The following MRPS6 variants were observed in gnomAD, a reference collection of about 807,000 sequenced individuals.
MRPS6 encodes the protein mitochondrial ribosomal protein S6.
MRPS6 carries 6 observed loss-of-function variants against 13.1 expected under a neutral mutation model. That is an observed-to-expected ratio of 0.46 (90% CI 0.25 to 0.91). The LOEUF is 0.91. Ranked by LOEUF, MRPS6 falls within the 40% of genes least tolerant of loss-of-function variation. The probability of loss-of-function intolerance (pLI) is 0.18; values close to 1 mark genes in which losing one functional copy is unlikely to be tolerated. For synonymous variants in MRPS6, 61 were observed against 56.5 expected (o/e 1.08, Z -0.36); for missense variants, 164 against 155.6 (o/e 1.05, Z -0.29).
chr21:34,088,646 T>G (rs1326697048), intron 1 of MRPS6, among the ~76,000 whole-genome samples: 4 of 152,222 alleles, frequency 2.6e-5, no homozygotes, highest in African/African-American at 9.6e-5. Flanking sequence ...GCATAGTGAT[T>G]AAGGGCAAAA....
At position 34,079,516 on chromosome 21, in the gene MRPS6, A is replaced by G. The variant is rs111778333; in HGVS notation, c.45+5771A>G. 4.6e-3 allele frequency among the ~76,000 whole-genome samples: 684 copies of G among 148,780 alleles called. 5 individuals carry two copies. The highest frequency in any genetic ancestry group is 0.016 in the African/African-American group (638 of 39,844). The stretch of plus-strand genomic sequence containing the variant: ...AGTGGCACGATCTCGGCTCACTGCA[A>G]CCTCTGCCTCCTGGGTTCAAGCGAT... On this transcript the variant is annotated intron_variant, in intron 1 of 2. Transcript: ENST00000399312.
chr21:34,140,450 T>C (rs1450064528), intron 2 of MRPS6, among the ~76,000 whole-genome samples: 1 of 152,234 alleles, frequency 6.6e-6, no homozygotes, highest in Non-Finnish European at 1.5e-5. Flanking sequence ...GTGTATAACT[T>C]GAATCCCTTT....
chr21:34,126,859 G>A (rs1041815482), intron 2 of MRPS6, among the ~76,000 whole-genome samples: 2 of 152,126 alleles, frequency 1.3e-5, no homozygotes, highest in African/African-American at 4.8e-5. Context: ...GCACTAACAC[G>A]TAGCCTGAGT....
At chr21:34,121,612 G>A (rs939628507) in intron 1 of MRPS6, among the ~76,000 whole-genome samples, 3 of 152,096 alleles carry the variant, frequency 2.0e-5, no homozygotes, top group East Asian at 1.9e-4. Context: ...GCTTTCAGAT[G>A]GGGTGAGAGA....
At chr21:34,138,901 G>A (rs1186870269) in intron 2 of MRPS6, among the ~76,000 whole-genome samples, 2 of 151,714 alleles carry the variant, frequency 1.3e-5, no homozygotes, top group African/African-American at 2.4e-5. Flanking sequence ...TGTTTATTGC[G>A]GCACTATTCA....
At chr21:34,105,635 C>T in intron 1 of MRPS6, 1 of 999,416 alleles carries the variant, frequency 1.0e-6, no homozygotes, top group Non-Finnish European at 1.2e-6. Flanking sequence ...TTTAGTTAGG[C>T]ATTGTAGGCC....
At chr21:34,107,217 C>G (rs577008772) in intron 1 of MRPS6, among the ~76,000 whole-genome samples, 1 of 152,356 alleles carries the variant, frequency 6.6e-6, no homozygotes, top group East Asian at 1.9e-4. Flanking sequence ...CAGGCGTGAG[C>G]CACTGTGCCC....
chr21:34,084,397 A>G (rs919993050), intron 1 of MRPS6, among the ~76,000 whole-genome samples: 14 of 148,532 alleles, frequency 9.4e-5, no homozygotes, highest in African/African-American at 2.5e-4. Context: ...CTGAGAACAG[A>G]AAAAAAACAC....
At chr21:34,076,327 TTTTAAAA>T (rs1314359206) in intron 1 of MRPS6, among the ~76,000 whole-genome samples, 2 of 152,126 alleles carry the variant, frequency 1.3e-5, no homozygotes, top group African/African-American at 4.8e-5. Flanking sequence ...GCTTGCAAAG[TTTTAAAA>T]TTTAAAATAC....
At chr21:34,078,815 T>C (rs1228027718) in intron 1 of MRPS6, among the ~76,000 whole-genome samples, 1 of 152,230 alleles carries the variant, frequency 6.6e-6, no homozygotes, top group Non-Finnish European at 1.5e-5. Flanking sequence ...TAAAAAGTTG[T>C]TGCAATTTGA....
chr21:34,085,714 T>C (rs1602912981), intron 1 of MRPS6, among the ~76,000 whole-genome samples: 1 of 151,562 alleles, frequency 6.6e-6, no homozygotes, highest in East Asian at 2.0e-4. Context: ...GCCATTCTCC[T>C]GCCTCAGCCC....
At chr21:34,075,979 G>A (rs1251552971) in intron 1 of MRPS6, among the ~76,000 whole-genome samples, 1 of 152,210 alleles carries the variant, frequency 6.6e-6, no homozygotes, top group East Asian at 1.9e-4. Context: ...GTTGCAAGAA[G>A]GGTATTGAAG....
intron 1 of MRPS6, among the ~76,000 whole-genome samples, chr21:34,090,836 A>G (rs1166950487): frequency 6.6e-6 from 1 of 152,246 alleles, no homozygotes; most frequent in East Asian, 1.9e-4. Flanking sequence ...GTGACGGAGC[A>G]TGGAACCCAG....
At position 34,081,969 on chromosome 21, in the gene MRPS6, C is replaced by T. The variant is rs73361885; in HGVS notation, c.45+8224C>T. 3.2e-3 allele frequency among the ~76,000 whole-genome samples: 493 copies of T among 151,856 alleles called. 3 individuals are homozygous for T. Among genetic ancestry groups the T allele is most frequent in the African/African-American group, 0.011 (462 of 41,400 alleles). The stretch of plus-strand genomic sequence containing the variant: ...CTACTCTGCTCCCATCTATTATTGC[C>T]ATGAGGGGTGTGGGCCTGGTTTTGC... On this transcript the variant is annotated intron_variant, in intron 1 of 2. Coordinates refer to ENST00000399312, the MANE Select transcript of MRPS6 (RefSeq NM_032476.4).
At chr21:34,139,275 A>T (rs1419312757) in intron 2 of MRPS6, among the ~76,000 whole-genome samples, 1 of 151,642 alleles carries the variant, frequency 6.6e-6, no homozygotes, top group East Asian at 1.9e-4. Context: ...AGCATGGCAC[A>T]TGTATACATA....
chr21:34,133,281 A>C (rs1271479038), intron 2 of MRPS6, among the ~76,000 whole-genome samples: 2 of 152,162 alleles, frequency 1.3e-5, no homozygotes, highest in Non-Finnish European at 2.9e-5. Context: ...CACATCATAG[A>C]ATCCAAAAGC....
intron 1 of MRPS6, chr21:34,105,335 A>G: frequency 1.0e-6 from 1 of 999,796 alleles, no homozygotes; most frequent in Non-Finnish European, 1.2e-6. Context: ...GATGGATATC[A>G]AAAATAGTTG....
At chr21:34,101,125 G>C (rs1372432474) in intron 1 of MRPS6, 1 of 999,880 alleles carries the variant, frequency 1.0e-6, no homozygotes, top group Non-Finnish European at 1.2e-6. Context: ...ATTTTCCTAA[G>C]AAATCAGAAA....
At chr21:34,099,159 T>C (rs1387413218) in intron 1 of MRPS6, 4 of 999,202 alleles carry the variant, frequency 4.0e-6, no homozygotes, top group Non-Finnish European at 4.8e-6. Context: ...ATGAATAGCA[T>C]GTATTTCTGA....
Sources: gnomAD v4.1 joint callset for allele counts (sites outside exome capture counted in the v4.1 genomes callset) on GRCh38, gnomAD v4.1.1 for gene constraint, MANE v1.5 for transcripts, NCBI Gene and HGNC (gene_info 2026-07-23, HGNC 2026-07-21) for gene names.